STK32B: variants seen among roughly 807,000 people sequenced by gnomAD.
The protein encoded by STK32B is serine/threonine-protein kinase 32B.
STK32B carries 43 observed loss-of-function variants against 52.6 expected under a neutral mutation model. The observed-to-expected ratio is 0.82, with a 90% confidence interval of 0.64 to 1.05. The LOEUF is 1.05. Ranked by LOEUF, STK32B falls within the 50% of genes least tolerant of loss-of-function variation. The probability of loss-of-function intolerance (pLI) is 0.00; values close to 1 mark genes in which losing one functional copy is unlikely to be tolerated. For missense variants in STK32B, 621 were observed against 534.6 expected, an observed-to-expected ratio of 1.16 and a Z score of -1.59; for synonymous variants, 238 against 204.3, an observed-to-expected ratio of 1.17 and a Z score of -1.41.
rs570082798 is a variant in STK32B, at chr4:5,469,692, C to A, written c.1106+1622C>A. ...GTGCCCAGATCAGCACAGACACACA[C>A]ACCAGGCTTGGGCAGCAAGCCTCAC... On this transcript the variant is annotated intron_variant, in intron 11 of 11. Transcript: ENST00000282908. The surrounding 1 kb of genome is among the most constrained non-coding windows in gnomAD (Gnocchi z 4.7). Among the ~76,000 whole-genome samples, 37 of 152,330 alleles carry A rather than the reference C, an allele frequency of 2.4e-4. No homozygotes were observed. Among genetic ancestry groups the A allele is most frequent in the South Asian group, 8.3e-4 (4 of 4,830 alleles).
intron 3 of STK32B, among the ~76,000 whole-genome samples, chr4:5,178,288 C>T (rs1357796106): frequency 1.2e-4 from 19 of 152,240 alleles, no homozygotes. Context: ...GAAACAACAG[C>T]CTGACCTGAA....
intron 6 of STK32B, among the ~76,000 whole-genome samples, chr4:5,445,449 A>G (rs1358441541): frequency 1.3e-5 from 2 of 152,176 alleles, no homozygotes; most frequent in East Asian, 3.9e-4. Context: ...TGAACATTTC[A>G]CAAAATGTTC....
At chr4:5,056,676 C>T (rs191855291) in intron 1 of STK32B, among the ~76,000 whole-genome samples, 45 of 152,280 alleles carry the variant, frequency 3.0e-4, no homozygotes, top group African/African-American at 9.9e-4. Context: ...AAATGTCCCA[C>T]GGTTACTTTG....
At chr4:5,159,758 A>AAT (rs1203027177) in intron 2 of STK32B, among the ~76,000 whole-genome samples, 5 of 140,598 alleles carry the variant, frequency 3.6e-5, no homozygotes, top group South Asian at 2.2e-4. Flanking sequence ...AATGTATATG[A>AAT]ATATATATAT....
At chr4:5,410,080 G>C (rs555827496) in intron 5 of STK32B, among the ~76,000 whole-genome samples, 1 of 152,280 alleles carries the variant, frequency 6.6e-6, no homozygotes, top group South Asian at 2.1e-4. Context: ...GAATAGTTCT[G>C]TGTGGTGCCC....
intron 3 of STK32B, among the ~76,000 whole-genome samples, chr4:5,275,263 C>A (rs1206456336): frequency 2.0e-5 from 3 of 152,152 alleles, no homozygotes; most frequent in African/African-American, 2.4e-5. Flanking sequence ...TCCTGTCTGG[C>A]CTTTTTGTTC....
chr4:5,336,846 T>A (rs560894692), intron 4 of STK32B, among the ~76,000 whole-genome samples: 6 of 152,248 alleles, frequency 3.9e-5, no homozygotes, highest in African/African-American at 1.4e-4. Context: ...TGAGAGAGCC[T>A]ACGAAGGGCA....
At chr4:5,173,841 T>TG (rs1719595609) in intron 3 of STK32B, among the ~76,000 whole-genome samples, 1 of 152,222 alleles carries the variant, frequency 6.6e-6, no homozygotes, top group Non-Finnish European at 1.5e-5. Flanking sequence ...AGTGCTGAGT[T>TG]CAATTCCTGG....
At chr4:5,240,892 T>G (rs897879571) in intron 3 of STK32B, among the ~76,000 whole-genome samples, 1 of 152,224 alleles carries the variant, frequency 6.6e-6, no homozygotes, top group African/African-American at 2.4e-5. Flanking sequence ...TCACTAATCT[T>G]TTTATTTGGT....
At chr4:5,484,665 T>C (rs1247028235) in intron 11 of STK32B, among the ~76,000 whole-genome samples, 1 of 152,188 alleles carries the variant, frequency 6.6e-6, no homozygotes, top group Admixed American at 6.5e-5. Context: ...CGTTAGTTGA[T>C]GCAGTTTCTT....
the STK32B span, among the ~76,000 whole-genome samples, chr4:5,044,954 G>T: frequency 1.3e-5 from 2 of 152,116 alleles, no homozygotes; most frequent in African/African-American, 4.8e-5. Flanking sequence ...AATATGTCCA[G>T]GACTAGCCAC....
intron 3 of STK32B, among the ~76,000 whole-genome samples, chr4:5,188,130 C>T (rs1228446594): frequency 6.6e-6 from 1 of 152,118 alleles, no homozygotes; most frequent in African/African-American, 2.4e-5. Flanking sequence ...ATTATTCTTC[C>T]TTCTGAGAAA....
chr4:5,055,269 T>A lies in STK32B; in HGVS notation c.52+3354T>A, dbSNP rs567265783. On this transcript the variant is annotated intron_variant, in intron 1 of 11. Coordinates refer to ENST00000282908, the MANE Select transcript of STK32B (RefSeq NM_018401.3). Reference sequence around the variant, plus strand: ...TATGCCTGGCTAATTTTTAATTTTTTTTTTTTTTTTTTAGAGTCAAGGTCT... The same window carrying A: ...TATGCCTGGCTAATTTTTAATTTTTATTTTTTTTTTTTAGAGTCAAGGTCT... 1.1e-4 allele frequency among the ~76,000 whole-genome samples: 16 copies of A among 151,916 alleles called. No individual in the cohort carries two copies. The South Asian group carries it at 3.1e-3, about 30-fold the overall frequency.
intron 1 of STK32B, among the ~76,000 whole-genome samples, chr4:5,104,333 C>T (rs1168107847): frequency 6.6e-6 from 1 of 152,194 alleles, no homozygotes; most frequent in Non-Finnish European, 1.5e-5. Context: ...CATCTTCCAC[C>T]ATGATTGTGA....
upstream of STK32B, among the ~76,000 whole-genome samples, chr4:5,046,649 A>T (rs1402361774): frequency 6.6e-6 from 1 of 152,194 alleles, no homozygotes; most frequent in East Asian, 1.9e-4. Flanking sequence ...CAAGAATAAA[A>T]CAAACAACCA....
intron 3 of STK32B, among the ~76,000 whole-genome samples, chr4:5,322,425 T>C (rs1313787193): frequency 1.3e-5 from 2 of 152,064 alleles, no homozygotes; most frequent in Admixed American, 6.5e-5. Flanking sequence ...TCAGATGGAA[T>C]GGAAAGTGGC....
At chr4:5,409,331 C>T (rs1251012988) in intron 5 of STK32B, among the ~76,000 whole-genome samples, 1 of 152,078 alleles carries the variant, frequency 6.6e-6, no homozygotes, top group African/African-American at 2.4e-5. Context: ...CTCCTGGAGT[C>T]ATTGCAAGGA....
intron 11 of STK32B, among the ~76,000 whole-genome samples, chr4:5,489,938 TAGAC>T (rs1242841865): frequency 6.6e-6 from 1 of 152,212 alleles, no homozygotes; most frequent in African/African-American, 2.4e-5. Context: ...TAAATACATC[TAGAC>T]AGACATATAT....
intron 3 of STK32B, among the ~76,000 whole-genome samples, chr4:5,295,035 G>A (rs977467849): frequency 6.6e-6 from 1 of 152,172 alleles, no homozygotes; most frequent in Admixed American, 6.5e-5. Context: ...AGATAGTCAT[G>A]TGGTTTTTGT....
Sources: gnomAD v4.1 joint callset for allele counts (sites outside exome capture counted in the v4.1 genomes callset) on GRCh38, gnomAD v4.1.1 for gene constraint, Gnocchi (gnomAD v3.1) non-coding constraint, MANE v1.5 for transcripts, NCBI Gene and HGNC (gene_info 2026-07-23, HGNC 2026-07-21) for gene names.